The following FHIT variants were observed in gnomAD, a reference collection of about 807,000 sequenced individuals.
FHIT encodes the protein fragile histidine triad diadenosine triphosphatase, also known as bis(5'-adenosyl)-triphosphatase.
In FHIT, 19 loss-of-function variants were observed where a neutral mutation model predicts 17.9. The observed-to-expected ratio is 1.06, with a 90% CI of 0.74 to 1.56. FHIT has a LOEUF of 1.56. Ranked by LOEUF, FHIT falls within the 40% of genes most tolerant of loss-of-function variation. The pLI is 0.00. For synonymous variants in FHIT, 81 were observed against 69.7 expected, an observed-to-expected ratio of 1.16 and a Z score of -0.81; for missense variants, 248 against 189.2, an observed-to-expected ratio of 1.31 and a Z score of -1.82.
chr3:61,016,696 A>C (rs2032126453), intron 3 of FHIT, among the ~76,000 whole-genome samples: 1 of 152,222 alleles, frequency 6.6e-6, no homozygotes, highest in Non-Finnish European at 1.5e-5. Context: ...TAATGAAACA[A>C]GTCCTGGATT....
chr3:60,446,079 G>C (rs937828454), intron 5 of FHIT, among the ~76,000 whole-genome samples: 4 of 152,030 alleles, frequency 2.6e-5, no homozygotes, highest in Non-Finnish European at 4.4e-5. Flanking sequence ...AAAATTAATG[G>C]ACCAAGCCAG....
At chr3:60,987,193 C>T (rs1252743054) in intron 3 of FHIT, among the ~76,000 whole-genome samples, 1 of 152,162 alleles carries the variant, frequency 6.6e-6, no homozygotes, top group East Asian at 1.9e-4. Context: ...AAATCCTAAG[C>T]AAGAGCATAA....
chr3:60,049,663 T>C (rs1278311738), intron 5 of FHIT, among the ~76,000 whole-genome samples: 1 of 152,162 alleles, frequency 6.6e-6, no homozygotes, highest in Admixed American at 6.5e-5. Context: ...AATACAGCAT[T>C]AACATGATCA....
At chr3:60,024,903 C>CA (rs1214405760) in intron 5 of FHIT, among the ~76,000 whole-genome samples, 2 of 152,154 alleles carry the variant, frequency 1.3e-5, no homozygotes, top group African/African-American at 2.4e-5. Context: ...GTTCTCTTTG[C>CA]AAAGCTGAAG....
intron 5 of FHIT, among the ~76,000 whole-genome samples, chr3:60,121,163 T>A (rs1705229031): frequency 6.6e-6 from 1 of 152,164 alleles, no homozygotes; most frequent in Non-Finnish European, 1.5e-5. Flanking sequence ...CTATAATGGT[T>A]CACTAGCCTC....
At chr3:60,466,477 G>C (rs1005209514) in intron 5 of FHIT, among the ~76,000 whole-genome samples, 2 of 151,948 alleles carry the variant, frequency 1.3e-5, no homozygotes, top group African/African-American at 4.8e-5. Flanking sequence ...AAAACCTTCA[G>C]GTGTTTCCCC....
At chr3:60,591,749 C>T (rs1194971541) in intron 4 of FHIT, among the ~76,000 whole-genome samples, 4 of 151,988 alleles carry the variant, frequency 2.6e-5, no homozygotes, top group Non-Finnish European at 4.4e-5. Context: ...TTCAAATACA[C>T]GGCAGAAGAG....
At chr3:59,929,889 C>G (rs1049656556) in intron 7 of FHIT, among the ~76,000 whole-genome samples, 1 of 150,568 alleles carries the variant, frequency 6.6e-6, no homozygotes, top group African/African-American at 2.4e-5. Context: ...CTCAATTGCC[C>G]CAGACAAAAA....
At chr3:60,143,692 C>T (rs918582308) in intron 5 of FHIT, among the ~76,000 whole-genome samples, 1 of 151,904 alleles carries the variant, frequency 6.6e-6, no homozygotes, top group South Asian at 2.1e-4. Flanking sequence ...ATAAGTCAAA[C>T]AGTATGCCTT....
intron 5 of FHIT, among the ~76,000 whole-genome samples, chr3:60,283,224 G>GAT (rs1311999991): frequency 2.0e-5 from 3 of 151,704 alleles, no homozygotes; most frequent in Non-Finnish European, 4.4e-5. Flanking sequence ...GAAAAACAGG[G>GAT]ATATATACAC....
intron 5 of FHIT, among the ~76,000 whole-genome samples, chr3:60,330,491 C>A (rs1396680923): frequency 2.0e-5 from 3 of 152,182 alleles, no homozygotes; most frequent in Non-Finnish European, 4.4e-5. Flanking sequence ...CATGACTGTT[C>A]ACTGTGCATT....
intron 3 of FHIT, among the ~76,000 whole-genome samples, chr3:60,878,296 T>G (rs142485399): frequency 6.6e-6 from 1 of 152,166 alleles, no homozygotes; most frequent in Non-Finnish European, 1.5e-5. Context: ...GAAACTCTGA[T>G]ATTAGCACCC....
chr3:61,108,252 T>C, intron 2 of FHIT, among the ~76,000 whole-genome samples: 1 of 152,186 alleles, frequency 6.6e-6, no homozygotes, highest in East Asian at 1.9e-4. Flanking sequence ...TGATTTTTGT[T>C]ACAACAGGAG....
At chr3:60,155,884 C>T (rs185138289) in intron 5 of FHIT, among the ~76,000 whole-genome samples, 9 of 152,268 alleles carry the variant, frequency 5.9e-5, no homozygotes, top group Non-Finnish European at 1.3e-4. Context: ...GACTCCCTCT[C>T]TCTCAGTCCC....
intron 2 of FHIT, among the ~76,000 whole-genome samples, chr3:61,142,586 A>G (rs933002996): frequency 1.3e-5 from 2 of 152,238 alleles, no homozygotes; most frequent in African/African-American, 4.8e-5. Flanking sequence ...ACCTCATGGC[A>G]TAACAATAGG....
At chr3:60,333,799 T>A (rs1321847503) in intron 5 of FHIT, among the ~76,000 whole-genome samples, 1 of 152,186 alleles carries the variant, frequency 6.6e-6, no homozygotes, top group African/African-American at 2.4e-5. Context: ...AAACCAACCG[T>A]CAGGCCTCCC....
Position 59,748,498 on chromosome 3 carries a change from GA to G in FHIT, c.*1086del, listed in dbSNP as rs1700716600. Among the ~76,000 whole-genome samples, 2 of 152,110 alleles carry G rather than the reference GA, an allele frequency of 1.3e-5. No homozygotes were observed. Among genetic ancestry groups the G allele is most frequent in the Non-Finnish European group, 1.5e-5 (1 of 68,000 alleles). ...GGTTTCTGCTACCTGGCTGTAGTGT[GA>G]CCAGGGAGGCAGGTGCTGGGCAGGG... On this transcript the variant is annotated 3_prime_UTR_variant, in exon 10 of 10. Transcript: ENST00000492590.
At chr3:60,657,792 C>T (rs1224929635) in intron 4 of FHIT, among the ~76,000 whole-genome samples, 1 of 152,136 alleles carries the variant, frequency 6.6e-6, no homozygotes, top group African/African-American at 2.4e-5. Flanking sequence ...ATTCCATATC[C>T]ACCACCATCC....
chr3:59,942,425 A>C (rs144602982), intron 7 of FHIT, among the ~76,000 whole-genome samples: 1 of 152,334 alleles, frequency 6.6e-6, no homozygotes, highest in Non-Finnish European at 1.5e-5. Flanking sequence ...GCCTGTGGAC[A>C]AGTTTGTCAG....
Sources: allele counts gnomAD v4.1 joint callset (sites outside exome capture counted in the v4.1 genomes callset), GRCh38; gene constraint gnomAD v4.1.1; transcripts MANE v1.5; gene names NCBI Gene and HGNC (gene_info 2026-07-23, HGNC 2026-07-21).